Variants in FAM114A2 observed in about 807,000 individuals in gnomAD.
The protein encoded by FAM114A2 is family with sequence similarity 114 member A2.
FAM114A2 carries 53 observed loss-of-function variants against 58.4 expected under a neutral mutation model. The observed-to-expected ratio is 0.91, with a 90% CI of 0.73 to 1.14. FAM114A2 has a LOEUF of 1.14. Among genes scored for constraint, FAM114A2 ranks in the 50% most tolerant of loss-of-function variants. The probability of loss-of-function intolerance (pLI) is 0.00; values close to 1 mark genes in which losing one functional copy is unlikely to be tolerated. For missense variants in FAM114A2, 601 were observed against 581.1 expected, an observed-to-expected ratio of 1.03 and a Z score of -0.35; for synonymous variants, 228 against 211.4, an observed-to-expected ratio of 1.08 and a Z score of -0.68.
At chr5:153,997,954 A>ATTTGTTCTCTTCTG in intron 11 of FAM114A2, 79 bp from the exon 12 acceptor site, 2 of 857,094 alleles carry the variant, frequency 2.3e-6, no homozygotes, top group South Asian at 1.6e-5. Context: ...GTCAGAAGAG[A>ATTTGTTCTCTTCTG]ACAAATCACT....
chr5:154,030,505 CAAG>C (rs1362155780), intron 4 of FAM114A2, among the ~76,000 whole-genome samples: 1 of 152,284 alleles, frequency 6.6e-6, no homozygotes, highest in Admixed American at 6.5e-5. Flanking sequence ...TCGGTTCACA[CAAG>C]AAGAACAACA....
chr5:154,026,881 T>TAAA lies in FAM114A2; in HGVS notation c.789+292_789+294dup, dbSNP rs369405624. The stretch of plus-strand genomic sequence containing the variant: ...TCTTGGCAGCCTAGGCCAAAGAAAC[T>TAAA]AAAAAAAAAAAAAAAAGACCAAAAC... On this transcript the variant is annotated intron_variant, in intron 7 of 13. Coordinates refer to ENST00000351797, the MANE Select transcript of FAM114A2 (RefSeq NM_018691.4). Among the ~76,000 whole-genome samples the TAAA allele has an allele frequency of 2.0e-3, 271 of 132,802 alleles. 4 individuals carry two copies. The East Asian group carries it at 0.029, about 14-fold the overall frequency. 87.1% of individuals were successfully genotyped at this position (132,802 alleles called of 152,430 possible).
Position 153,993,037 on chromosome 5 carries a change from T to C in FAM114A2, c.1457A>G (p.Glu486Gly), listed in dbSNP as rs373727986. The C allele has an allele frequency of 2.5e-6, 4 of 1,613,546 alleles. No homozygotes were observed. In the African/African-American group the frequency reaches 4.0e-5, roughly 16 times the overall value. Reference sequence around the variant, plus strand: ...ATGTCTGTGTGATTCAATCTTGTTCTCAATGAGAGAGATCTCTAGCACAGG... The same window carrying C: ...ATGTCTGTGTGATTCAATCTTGTTCCCAATGAGAGAGATCTCTAGCACAGG... ...LLPVLEISLI[E>G]NKIESHRHEL... is the part of the protein sequence containing the mutation. Residue 486 changes from glutamate (E) to glycine (G), a missense_variant, in exon 14 of 14, where the codon GAG becomes GGG. Transcript: ENST00000351797.
rs150961732 is a variant in FAM114A2 at position 154,026,499 on chromosome 5, C to T, written c.813G>A (p.Leu271=). 2 of 1,540,342 alleles carry T rather than the reference C, an allele frequency of 1.3e-6. No homozygotes were observed. Among genetic ancestry groups the T allele is most frequent in the Non-Finnish European group, 1.7e-6 (2 of 1,143,566 alleles). Residue 271 remains leucine (L), a synonymous_variant, in exon 8 of 14, where the codon CTG becomes CTA. Coordinates refer to ENST00000351797, the MANE Select transcript of FAM114A2 (RefSeq NM_018691.4). ...EIKVKSILNS[L]SGEELETLKV... ...TTAGAGTCTCTAATTCTTCTCCACT[C>T]AGAGAATTAAGGATAGATTTCACCT...
chr5:154,023,620 G>A (rs952441550), intron 8 of FAM114A2, among the ~76,000 whole-genome samples: 3 of 151,992 alleles, frequency 2.0e-5, no homozygotes, highest in Admixed American at 2.0e-4. Flanking sequence ...CGGGGACTCA[G>A]GGGGAAAGGA....
chr5:154,017,209 G>A (rs962218083), intron 8 of FAM114A2, among the ~76,000 whole-genome samples: 2 of 152,200 alleles, frequency 1.3e-5, no homozygotes, highest in Non-Finnish European at 2.9e-5. Context: ...TTGGGAGGCC[G>A]AGGCAGGTGT....
At chr5:154,024,036 T>C (rs1282549770) in intron 8 of FAM114A2, among the ~76,000 whole-genome samples, 1 of 152,094 alleles carries the variant, frequency 6.6e-6, no homozygotes, top group Non-Finnish European at 1.5e-5. Context: ...ACCCACAGAT[T>C]AGAAATAGAA....
At chr5:154,005,571 G>A (rs1770296668) in intron 9 of FAM114A2, among the ~76,000 whole-genome samples, 1 of 152,180 alleles carries the variant, frequency 6.6e-6, no homozygotes, top group Non-Finnish European at 1.5e-5. Context: ...AAGGAAGCAA[G>A]CCGAAAGACA....
rs1167334879 is a variant in FAM114A2 at position 153,993,091 on chromosome 5, T to G, written c.1403A>C (p.Tyr468Ser). Residue 468 changes from tyrosine to serine, a missense_variant, in exon 14 of 14, where the codon TAC (tyrosine) becomes TCC (serine). Transcript: ENST00000351797. The stretch of plus-strand genomic sequence containing the variant: ...GAGTAGCTGAAAGGCGTCCTGGATG[T>G]AGGAGGCACTGTTTGATGCCTGCCA... ...VFLEASNSAS[Y>S]IQDAFQLLLP... 1 of 1,610,084 alleles carries G rather than the reference T, an allele frequency of 6.2e-7. No homozygotes were observed. Among genetic ancestry groups the G allele is most frequent in the Non-Finnish European group, 8.5e-7 (1 of 1,177,924 alleles).
intron 5 of FAM114A2, among the ~76,000 whole-genome samples, chr5:154,028,949 C>T (rs1225837749): frequency 6.6e-6 from 1 of 151,994 alleles, no homozygotes; most frequent in Non-Finnish European, 1.5e-5. Flanking sequence ...GTGTTTCACA[C>T]TGAAAATTCA....
In FAM114A2 at chr5:154,034,980, A is replaced by C; in HGVS notation, c.-14-13T>G. ...ATTAGAACATCAGCTGGTAAAATGA[A>C]AGCCCAAAAAAAATTTATATAGGCT... On this transcript the variant is annotated splice_polypyrimidine_tract_variant and intron_variant, in intron 1 of 13. Coordinates refer to ENST00000351797, the MANE Select transcript of FAM114A2 (RefSeq NM_018691.4). 1.3e-6 allele frequency: 2 copies of C among 1,509,544 alleles called. No individual in the cohort carries two copies. Among genetic ancestry groups the C allele is most frequent in the East Asian group, 2.5e-5 (1 of 40,688 alleles). The allele number at this position is 1,509,544 out of a possible 1,614,324, so 93.5% of individuals were successfully genotyped here.
At chr5:154,004,408 T>C (rs957806998) in intron 9 of FAM114A2, among the ~76,000 whole-genome samples, 1 of 152,178 alleles carries the variant, frequency 6.6e-6, no homozygotes, top group Admixed American at 6.5e-5. Flanking sequence ...CCTATGCCAG[T>C]GGTTTCAACT....
intron 8 of FAM114A2, among the ~76,000 whole-genome samples, chr5:154,022,189 A>G (rs1771463820): frequency 6.6e-6 from 1 of 152,228 alleles, no homozygotes; most frequent in African/African-American, 2.4e-5. Context: ...ACCCTAGAAG[A>G]AAACCTAGGC....
intron 11 of FAM114A2, among the ~76,000 whole-genome samples, chr5:153,999,842 T>C (rs1259255584): frequency 1.3e-5 from 2 of 152,206 alleles, no homozygotes; most frequent in Non-Finnish European, 2.9e-5. Context: ...TGCATGTTTA[T>C]TGCAGCACTA....
chr5:154,022,610 G>A (rs1242323150), intron 8 of FAM114A2, among the ~76,000 whole-genome samples: 1 of 152,164 alleles, frequency 6.6e-6, no homozygotes, highest in African/African-American at 2.4e-5. Flanking sequence ...CAGTTAGAAT[G>A]GCGATCATTA....
At chr5:154,012,398 C>T (rs906870111) in intron 8 of FAM114A2, among the ~76,000 whole-genome samples, 1 of 152,140 alleles carries the variant, frequency 6.6e-6, no homozygotes, top group Non-Finnish European at 1.5e-5. Context: ...TATACACTCC[C>T]CACTTTGTGG....
rs565276165 is a variant in FAM114A2 at position 154,024,964 on chromosome 5, T to G, written c.913+1435A>C. 5.9e-5 allele frequency among the ~76,000 whole-genome samples: 9 copies of G among 152,304 alleles called. No individual in the cohort carries two copies. The South Asian group carries it at 6.2e-4, about 11-fold the overall frequency. On this transcript the variant is annotated intron_variant, in intron 8 of 13. Coordinates refer to ENST00000351797, the MANE Select transcript of FAM114A2 (RefSeq NM_018691.4). ...GTTTTACAAAGTTTCAACCTTCACTTAAATTTTTATCATGACTCACAAATA... is the reference window on the plus strand; with the variant it reads ...GTTTTACAAAGTTTCAACCTTCACTGAAATTTTTATCATGACTCACAAATA...
chr5:154,033,548 A>C (rs1037552300), intron 4 of FAM114A2, among the ~76,000 whole-genome samples: 2 of 152,386 alleles, frequency 1.3e-5, no homozygotes, highest in African/African-American at 2.4e-5. Context: ...TTAAATGTTT[A>C]TAACAGTCAC....
chr5:154,025,206 G>C (rs900672265), intron 8 of FAM114A2, among the ~76,000 whole-genome samples: 8 of 152,018 alleles, frequency 5.3e-5, no homozygotes, highest in Non-Finnish European at 1.2e-4. Flanking sequence ...CAGAATATTT[G>C]TAAGATGCAT....
Sources: allele counts gnomAD v4.1 joint callset (sites outside exome capture counted in the v4.1 genomes callset), GRCh38; gene constraint gnomAD v4.1.1; transcripts MANE v1.5; gene names NCBI Gene and HGNC (gene_info 2026-07-23, HGNC 2026-07-21).